The following POGLUT3 variants were observed in gnomAD, a reference collection of about 807,000 sequenced individuals.
POGLUT3 encodes the protein protein O-glucosyltransferase 3.
In POGLUT3, 48 loss-of-function variants were observed where a neutral mutation model predicts 54.3. The observed-to-expected ratio is 0.88, with a 90% CI of 0.70 to 1.12. POGLUT3 has a LOEUF of 1.12. Ranked by LOEUF, POGLUT3 falls within the 50% of genes most tolerant of loss-of-function variation. The probability of loss-of-function intolerance (pLI) is 0.00; values close to 1 mark genes in which losing one functional copy is unlikely to be tolerated. For synonymous variants in POGLUT3, 218 were observed against 237.4 expected (o/e 0.92, Z 0.75); for missense variants, 629 against 618.7 (o/e 1.02, Z -0.18).
chr11:108,490,091 G>A (rs540372035), intron 2 of POGLUT3, among the ~76,000 whole-genome samples: 4 of 152,204 alleles, frequency 2.6e-5, no homozygotes, highest in East Asian at 3.9e-4. Flanking sequence ...GTTGCTCAGC[G>A]TGGTCTTGAA....
At chr11:108,481,106 A>C in intron 5 of POGLUT3, 74 bp downstream of exon 5, 1 of 1,191,976 alleles carries the variant, frequency 8.4e-7, no homozygotes, top group South Asian at 1.4e-5. Context: ...AATTTGCTGA[A>C]GCCCACCTAT....
At chr11:108,475,463 G>T (rs796538186) in intron 7 of POGLUT3, among the ~76,000 whole-genome samples, 7,153 of 109,334 alleles carry the variant, frequency 0.065, 519 homozygotes, top group African/African-American at 0.14. Context: ...AGTTTTTTTT[G>T]TTTTTGTTTT....
intron 3 of POGLUT3, among the ~76,000 whole-genome samples, chr11:108,484,095 G>A (rs148591352): frequency 1.3e-5 from 2 of 152,148 alleles, no homozygotes; most frequent in Non-Finnish European, 2.9e-5. Context: ...GGGTTGGGGG[G>A]TGCTATCCTT....
At position 108,482,054 on chromosome 11, in the gene POGLUT3, C is replaced by A. The variant is rs1218178402; in HGVS notation, c.853G>T (p.Ala285Ser). ...AGATCATTTGTAACACCCCGCATGG[C>A]TTCAAGCATGGAGTGGGTGATGTCA... ...TYDITHSMLE[A>S]MRGVTNDLLS... Residue 285 changes from alanine (A) to serine (S), a missense_variant, in exon 4 of 8, where the codon GCC becomes TCC. Transcript: ENST00000323468. The A allele has an allele frequency of 2.5e-6, 4 of 1,614,010 alleles. No individual in the cohort carries two copies. Among genetic ancestry groups the A allele is most frequent in the East Asian group, 2.2e-5 (1 of 44,882 alleles).
chr11:108,488,277 G>A (rs1318211390), intron 2 of POGLUT3, among the ~76,000 whole-genome samples: 1 of 152,002 alleles, frequency 6.6e-6, no homozygotes, highest in Non-Finnish European at 1.5e-5. Flanking sequence ...CACCTGCTTC[G>A]GTCTCCCAAA....
chr11:108,493,803 C>CA (rs11351337), intron 1 of POGLUT3, among the ~76,000 whole-genome samples: 19,018 of 81,700 alleles, frequency 0.23, 2,003 homozygotes, highest in Middle Eastern at 0.42. Context: ...GACTCTGTCT[C>CA]AAAAAAAAAA....
chr11:108,478,374 A>G (rs1392847633), intron 6 of POGLUT3, among the ~76,000 whole-genome samples: 1 of 152,114 alleles, frequency 6.6e-6, no homozygotes, highest in African/African-American at 2.4e-5. Context: ...CCACCCAGGA[A>G]GTACTCTTCA....
At chr11:108,478,799 A>C (rs12419828) in intron 6 of POGLUT3, among the ~76,000 whole-genome samples, 59,774 of 152,086 alleles carry the variant, frequency 0.39, 12,358 homozygotes, top group Middle Eastern at 0.64. Flanking sequence ...GTACATTTTT[A>C]TAGCTTTATA....
In POGLUT3 at chr11:108,491,140, T is replaced by C; in HGVS notation, c.230A>G (p.Lys77Arg). 1 of 1,614,022 alleles carries C rather than the reference T, an allele frequency of 6.2e-7. No individual in the cohort carries two copies. The highest frequency in any genetic ancestry group is 1.1e-5 in the South Asian group (1 of 91,072). The change falls in exon 2 of 8, where the codon AAA becomes AGA. Residue 77 changes from lysine to arginine, a missense_variant. Transcript: ENST00000323468. ...GACCAACTCTTTAGGTGAAAGAGAT[T>C]TGACTACGACTTTGAATGGTGTTTC... ...AGETPFKVVVKSLSPKELVRI... is the reference protein window; with the variant it reads ...AGETPFKVVVRSLSPKELVRI...
At chr11:108,486,517 T>C in intron 2 of POGLUT3, 77 bp from the exon 3 acceptor site, 2 of 1,415,914 alleles carry the variant, frequency 1.4e-6, no homozygotes, top group Non-Finnish European at 9.7e-7. Flanking sequence ...CTGTCTCTGC[T>C]TCTTGGTGAA....
Position 108,477,653 on chromosome 11 carries a change from A to G in POGLUT3, c.1352T>C (p.Leu451Pro). 2 of 1,613,414 alleles carry G rather than the reference A, an allele frequency of 1.2e-6. No homozygotes were observed. Among genetic ancestry groups the G allele is most frequent in the Non-Finnish European group, 1.7e-6 (2 of 1,179,352 alleles). ...AKEGQLMARD[L>P]LQPHRLYCYY... ...GCAGTAAAGCCTGTGTGGCTGTAGT[A>G]GGTCCCTAGCCATCAACTGTCCTTC... The change falls in exon 7 of 8, where the codon CTA becomes CCA. Residue 451 changes from leucine (L) to proline (P), a missense_variant. By Grantham distance (98) the Leu-to-Pro change is moderately conservative. Transcript: ENST00000323468.
At chr11:108,495,305 G>A (rs2093620331) in intron 1 of POGLUT3, among the ~76,000 whole-genome samples, 1 of 151,886 alleles carries the variant, frequency 6.6e-6, no homozygotes, top group Admixed American at 6.6e-5. Context: ...CCAGTAGCTG[G>A]GACCACAGCT....
intron 1 of POGLUT3, 71 bp downstream of exon 1, chr11:108,498,094 C>T: frequency 1.5e-6 from 2 of 1,331,422 alleles, no homozygotes; most frequent in Non-Finnish European, 2.0e-6. Context: ...AGGCCGCGGG[C>T]GGACTCCCGG....
intron 1 of POGLUT3, among the ~76,000 whole-genome samples, chr11:108,494,318 C>T (rs920181384): frequency 4.6e-5 from 7 of 152,206 alleles, no homozygotes; most frequent in African/African-American, 1.7e-4. Context: ...AAGTGTTGAC[C>T]CCACACGGTC....
At position 108,480,083 on chromosome 11, in the gene POGLUT3, G is replaced by T. The variant is rs544524697; in HGVS notation, c.1099-588C>A. 7.2e-5 allele frequency among the ~76,000 whole-genome samples: 11 copies of T among 152,280 alleles called. No homozygotes were observed. In the South Asian group the frequency reaches 2.1e-3, roughly 29 times the overall value. On this transcript the variant is annotated intron_variant, in intron 5 of 7. Transcript: ENST00000323468. Reference sequence around the variant, plus strand: ...ACTCCTGACCTCAGGTGATTCGCCCGCCTCAGCCTCCCAAAGTGCTGGGAT... The same window carrying T: ...ACTCCTGACCTCAGGTGATTCGCCCTCCTCAGCCTCCCAAAGTGCTGGGAT...
Position 108,491,106 on chromosome 11 carries a change from A to G in POGLUT3, c.264T>C (p.His88=), listed in dbSNP as rs757553963. Reference sequence around the variant, plus strand: ...CATTCCTGTCCAAAGGTTTAGGGACATGTATCCGGACCAACTCTTTAGGTG... The same window carrying G: ...CATTCCTGTCCAAAGGTTTAGGGACGTGTATCCGGACCAACTCTTTAGGTG... ...SLSPKELVRI[H]VPKPLDRNDG... The change falls in exon 2 of 8, where the codon CAT becomes CAC. Residue 88 remains histidine, a synonymous_variant. Transcript: ENST00000323468. The G allele has an allele frequency of 3.1e-6, 5 of 1,605,710 alleles. No individual in the cohort carries two copies. The African/African-American group carries it at 6.7e-5, about 22-fold the overall frequency.
At chr11:108,496,871 C>G (rs188855673) in intron 1 of POGLUT3, among the ~76,000 whole-genome samples, 1 of 152,340 alleles carries the variant, frequency 6.6e-6, no homozygotes, top group Admixed American at 6.5e-5. Flanking sequence ...CCAGGCTTTT[C>G]CGCTCAGTAT....
chr11:108,476,571 G>A (rs1405888326), intron 7 of POGLUT3, among the ~76,000 whole-genome samples: 1 of 152,194 alleles, frequency 6.6e-6, no homozygotes, highest in African/African-American at 2.4e-5. Flanking sequence ...GAAAATATGA[G>A]AGGGTAGTAT....
chr11:108,478,261 C>T (rs1024879153), intron 6 of POGLUT3: 1 of 153,060 alleles, frequency 6.5e-6, no homozygotes, highest in South Asian at 2.1e-4. Context: ...GAAACGATCA[C>T]ATGTTTGGCC....
Sources: gnomAD v4.1 joint callset for allele counts (sites outside exome capture counted in the v4.1 genomes callset) on GRCh38, gnomAD v4.1.1 for gene constraint, MANE v1.5 for transcripts, NCBI Gene and HGNC (gene_info 2026-07-23, HGNC 2026-07-21) for gene names.